TAFA1: variants seen among roughly 807,000 people sequenced by gnomAD.
The protein encoded by TAFA1 is chemokine-like protein TAFA-1.
Under a neutral mutation model 18.5 loss-of-function variants are expected in TAFA1, and 4 were observed. That is an observed-to-expected ratio of 0.22 (90% CI 0.11 to 0.49). TAFA1 has a LOEUF of 0.49. Ranked by LOEUF, TAFA1 falls within the 20% of genes least tolerant of loss-of-function variation. TAFA1 has a pLI of 0.98. For missense variants in TAFA1, 147 were observed against 169.0 expected, an observed-to-expected ratio of 0.87 and a Z score of 0.72; for synonymous variants, 56 against 55.2, an observed-to-expected ratio of 1.01 and a Z score of -0.06.
intron 3 of TAFA1, among the ~76,000 whole-genome samples, 193 bp from the exon 4 acceptor site, chr3:68,538,563 A>G (rs1378624239): frequency 5.3e-5 from 8 of 152,220 alleles, no homozygotes; most frequent in Non-Finnish European, 1.0e-4. Context: ...ACCAGTCCAC[A>G]TAATTATATT....
intron 2 of TAFA1, among the ~76,000 whole-genome samples, chr3:68,250,362 A>G (rs2067169264): frequency 6.6e-6 from 1 of 152,198 alleles, no homozygotes; most frequent in Non-Finnish European, 1.5e-5. Flanking sequence ...TTATCATATA[A>G]GACATACTTG....
intron 2 of TAFA1, among the ~76,000 whole-genome samples, chr3:68,013,502 C>G (rs1424473610): frequency 6.6e-6 from 1 of 152,054 alleles, no homozygotes; most frequent in Non-Finnish European, 1.5e-5. Context: ...GGGGATTTTT[C>G]TCCTCTATAA....
intron 2 of TAFA1, among the ~76,000 whole-genome samples, chr3:68,185,347 G>A (rs1479225501): frequency 6.6e-6 from 1 of 152,086 alleles, no homozygotes; most frequent in Non-Finnish European, 1.5e-5. Context: ...TTAATGGCAG[G>A]TAAAGAGAGT....
intron 3 of TAFA1, among the ~76,000 whole-genome samples, chr3:68,528,017 T>C (rs1323333211): frequency 6.6e-6 from 1 of 152,196 alleles, no homozygotes; most frequent in Admixed American, 6.5e-5. Context: ...AAATATAATG[T>C]AGATCCTCTA....
At chr3:68,348,875 C>G (rs1446771763) in intron 2 of TAFA1, among the ~76,000 whole-genome samples, 1 of 151,916 alleles carries the variant, frequency 6.6e-6, no homozygotes, top group Non-Finnish European at 1.5e-5. Context: ...CTAGGAAGAT[C>G]AAGGATTCAT....
intron 2 of TAFA1, among the ~76,000 whole-genome samples, chr3:68,124,792 T>C (rs747683393): frequency 1.3e-5 from 2 of 152,104 alleles, no homozygotes; most frequent in Non-Finnish European, 2.9e-5. Context: ...TGAACAGAGG[T>C]TCTGAAATCT....
chr3:68,132,641 T>C (rs1324828095), intron 2 of TAFA1, among the ~76,000 whole-genome samples: 8 of 152,254 alleles, frequency 5.3e-5, no homozygotes, highest in African/African-American at 1.7e-4. Context: ...GATGAGCTTT[T>C]TTTCATATAT....
At chr3:68,379,512 T>C (rs1459499954) in intron 2 of TAFA1, among the ~76,000 whole-genome samples, 1 of 152,198 alleles carries the variant, frequency 6.6e-6, no homozygotes, top group Non-Finnish European at 1.5e-5. Context: ...ATCTCTTTTG[T>C]CAACTTTTGC....
intron 3 of TAFA1, among the ~76,000 whole-genome samples, chr3:68,441,018 G>T (rs1245450965): frequency 6.6e-6 from 1 of 152,032 alleles, no homozygotes; most frequent in Non-Finnish European, 1.5e-5. Flanking sequence ...AATTTCTAGG[G>T]GTCCAGTGGT....
At chr3:68,379,039 T>C (rs1350620185) in intron 2 of TAFA1, among the ~76,000 whole-genome samples, 1 of 152,168 alleles carries the variant, frequency 6.6e-6, no homozygotes, top group Non-Finnish European at 1.5e-5. Flanking sequence ...AAAGAGATTG[T>C]TGGGTCAAAT....
chr3:68,046,354 T>G (rs1471110447), intron 2 of TAFA1, among the ~76,000 whole-genome samples: 1 of 152,226 alleles, frequency 6.6e-6, no homozygotes, highest in Non-Finnish European at 1.5e-5. Flanking sequence ...TTAACCGACT[T>G]CTAAATGTAT....
At chr3:68,194,568 G>C (rs1364123379) in intron 2 of TAFA1, among the ~76,000 whole-genome samples, 1 of 151,644 alleles carries the variant, frequency 6.6e-6, no homozygotes, top group Admixed American at 6.6e-5. Context: ...CAATATTTTT[G>C]TTATTGTTGT....
intron 2 of TAFA1, among the ~76,000 whole-genome samples, chr3:68,155,457 A>T (rs1239836792): frequency 6.6e-6 from 1 of 152,124 alleles, no homozygotes; most frequent in Admixed American, 6.6e-5. Context: ...AGGGTATGGA[A>T]GTTGAGTGAG....
intron 2 of TAFA1, among the ~76,000 whole-genome samples, chr3:68,281,231 G>C (rs539180276): frequency 7.2e-5 from 11 of 152,082 alleles, no homozygotes; most frequent in Admixed American, 2.0e-4. Context: ...AGTCTCAAAA[G>C]GTTAAAGGGA....
At chr3:68,103,977 T>G (rs1002581987) in intron 2 of TAFA1, among the ~76,000 whole-genome samples, 2 of 152,112 alleles carry the variant, frequency 1.3e-5, no homozygotes, top group Admixed American at 6.6e-5. Flanking sequence ...TGACTTAAGT[T>G]TCCCACTTTA....
chr3:68,300,015 G>A (rs1259919352), intron 2 of TAFA1, among the ~76,000 whole-genome samples: 1 of 152,234 alleles, frequency 6.6e-6, no homozygotes, highest in East Asian at 1.9e-4. Flanking sequence ...AGGGAAATGT[G>A]GGGTGGGAAC....
At position 68,209,104 on chromosome 3, in the gene TAFA1, G is replaced by A. The variant is rs369133120; in HGVS notation, c.118+202360G>A. Among the ~76,000 whole-genome samples the A allele has an allele frequency of 5.9e-5, 9 of 152,020 alleles. No individual in the cohort carries two copies. In the East Asian group the frequency reaches 1.4e-3, roughly 23 times the overall value. The stretch of plus-strand genomic sequence containing the variant: ...AAATGGGATGATTGGCCATACAACT[G>A]CAAGGAAATGAATTCTGCCAGCAAC... On this transcript the variant is annotated intron_variant, in intron 2 of 4. Transcript: ENST00000478136.
At chr3:68,212,059 G>T (rs2066604096) in intron 2 of TAFA1, among the ~76,000 whole-genome samples, 1 of 151,992 alleles carries the variant, frequency 6.6e-6, no homozygotes, top group African/African-American at 2.4e-5. Flanking sequence ...TGGAAAATAA[G>T]TGGTAAGTGG....
chr3:68,421,660 G>A (rs2070957464), intron 3 of TAFA1, among the ~76,000 whole-genome samples: 1 of 151,964 alleles, frequency 6.6e-6, no homozygotes, highest in Non-Finnish European at 1.5e-5. Flanking sequence ...CTGTAAAATA[G>A]GGATTATAGA....
Sources: gnomAD v4.1 joint callset for allele counts (sites outside exome capture counted in the v4.1 genomes callset) on GRCh38, gnomAD v4.1.1 for gene constraint, MANE v1.5 for transcripts, NCBI Gene and HGNC (gene_info 2026-07-23, HGNC 2026-07-21) for gene names.